Variants in PHF24 observed in about 807,000 individuals in gnomAD.
PHF24 encodes the protein PHD finger protein 24.
In PHF24, 25 loss-of-function variants were observed where a neutral mutation model predicts 42.6. The observed-to-expected ratio is 0.59, with a 90% CI of 0.43 to 0.82. The LOEUF is 0.82. Ranked by LOEUF, PHF24 falls within the 40% of genes least tolerant of loss-of-function variation. PHF24 has a pLI of 0.00. For synonymous variants in PHF24, 185 were observed against 204.8 expected (o/e 0.90, Z 0.83); for missense variants, 470 against 538.1 (o/e 0.87, Z 1.25).
the PHF24 span, among the ~76,000 whole-genome samples, chr9:34,733,954 A>C: frequency 3.3e-5 from 5 of 151,950 alleles, no homozygotes; most frequent in Non-Finnish European, 7.3e-5. Flanking sequence ...ACTGAGGTAC[A>C]TCTAACAGAG....
At chr9:34,709,009 G>A in the PHF24 span, 147 of 243,488 alleles carry the variant, frequency 6.0e-4, 1 homozygote, top group African/African-American at 3.2e-3. Flanking sequence ...AGGTACTTGG[G>A]TGGGAAGACA....
the PHF24 span, among the ~76,000 whole-genome samples, chr9:34,772,892 C>T: frequency 1.5e-4 from 23 of 151,932 alleles, no homozygotes; most frequent in Non-Finnish European, 2.4e-4. Context: ...GTATATATAC[C>T]GGTTAGTATA....
chr9:34,745,078 G>C, the PHF24 span, among the ~76,000 whole-genome samples: 1 of 152,140 alleles, frequency 6.6e-6, no homozygotes, highest in Non-Finnish European at 1.5e-5. Context: ...GGAGTGCAGG[G>C]GTGTACTGAG....
At chr9:34,835,909 C>T in the PHF24 span, 2 of 831,018 alleles carry the variant, frequency 2.4e-6, no homozygotes, top group Non-Finnish European at 4.1e-6. Flanking sequence ...CTGTGATGGA[C>T]TCCTCGACAA....
chr9:34,802,463 C>T, the PHF24 span, among the ~76,000 whole-genome samples: 1 of 152,162 alleles, frequency 6.6e-6, no homozygotes, highest in Non-Finnish European at 1.5e-5. Context: ...TAATCCATCC[C>T]ATGCATCATC....
the PHF24 span, chr9:34,895,000 C>A: frequency 2.5e-6 from 1 of 398,478 alleles, no homozygotes; most frequent in South Asian, 1.3e-4. Flanking sequence ...GAACCTCACT[C>A]ACAGCAGAAG....
At chr9:34,942,872 C>G in the PHF24 span, among the ~76,000 whole-genome samples, 317 of 151,958 alleles carry the variant, frequency 2.1e-3, 2 homozygotes, top group South Asian at 3.8e-3. Context: ...AGGGGGGAGG[C>G]ATAGCATTAG....
chr9:34,837,373 A>G, the PHF24 span: 1 of 395,788 alleles, frequency 2.5e-6, no homozygotes, highest in Non-Finnish European at 4.8e-6. Flanking sequence ...ATGGCAAACA[A>G]GACTGAGAGA....
chr9:34,931,375 CAAAAAAAA>C, the PHF24 span, among the ~76,000 whole-genome samples: 1 of 82,926 alleles, frequency 1.2e-5, no homozygotes, highest in Middle Eastern at 7.9e-3. Flanking sequence ...GACTCTGTAT[CAAAAAAAA>C]AAAAAAAAAA....
the PHF24 span, among the ~76,000 whole-genome samples, chr9:34,930,836 G>C: frequency 3.9e-5 from 6 of 152,194 alleles, no homozygotes; most frequent in Admixed American, 6.5e-5. Flanking sequence ...GAAGGGTGAG[G>C]AATAAATTGG....
the PHF24 span, chr9:34,836,106 G>C: frequency 2.0e-6 from 1 of 496,704 alleles, no homozygotes; most frequent in Admixed American, 2.3e-5. Flanking sequence ...TACCTTCTTG[G>C]AAGAGTGTGG....
the PHF24 span, among the ~76,000 whole-genome samples, chr9:34,925,709 A>G: frequency 5.9e-5 from 9 of 152,038 alleles, no homozygotes; most frequent in Non-Finnish European, 1.2e-4. Context: ...TGAATTGTCT[A>G]TCTGTATTTT....
At chr9:34,745,350 A>G in the PHF24 span, among the ~76,000 whole-genome samples, 1 of 152,176 alleles carries the variant, frequency 6.6e-6, no homozygotes, top group Non-Finnish European at 1.5e-5. Context: ...CCATCCATCA[A>G]TCAGCTTCAT....
chr9:34,792,087 A>T, the PHF24 span, among the ~76,000 whole-genome samples: 2 of 152,190 alleles, frequency 1.3e-5, no homozygotes, highest in Non-Finnish European at 2.9e-5. Flanking sequence ...TGATGAGGAG[A>T]TTATTTTCAG....
At chr9:34,721,267 C>G in the PHF24 span, among the ~76,000 whole-genome samples, 1 of 152,198 alleles carries the variant, frequency 6.6e-6, no homozygotes, top group South Asian at 2.1e-4. Flanking sequence ...TTAACATCCA[C>G]CATGCTATGT....
chr9:34,941,547 C>T, the PHF24 span, among the ~76,000 whole-genome samples: 1 of 152,312 alleles, frequency 6.6e-6, no homozygotes, highest in Admixed American at 6.5e-5. Context: ...CCCTTTGTCT[C>T]AGTCTGTTCA....
At chr9:34,900,252 T>C in the PHF24 span, among the ~76,000 whole-genome samples, 1 of 152,138 alleles carries the variant, frequency 6.6e-6, no homozygotes, top group African/African-American at 2.4e-5. Flanking sequence ...TGACCAATAT[T>C]GAGAATGAGA....
the PHF24 span, among the ~76,000 whole-genome samples, chr9:34,765,307 G>A: frequency 6.6e-6 from 1 of 151,034 alleles, no homozygotes; most frequent in Non-Finnish European, 1.5e-5. Flanking sequence ...GGGTGTTAAA[G>A]TCTCCCATTA....
the PHF24 span, among the ~76,000 whole-genome samples, chr9:34,897,157 AAAAC>A: frequency 3.9e-5 from 6 of 152,202 alleles, no homozygotes; most frequent in African/African-American, 9.7e-5. Flanking sequence ...CTCTGCCTCA[AAAAC>A]AAACAAACAA....
Sources: allele counts gnomAD v4.1 joint callset (sites outside exome capture counted in the v4.1 genomes callset), GRCh38; gene constraint gnomAD v4.1.1; transcripts MANE v1.5; gene names NCBI Gene and HGNC (gene_info 2026-07-23, HGNC 2026-07-21).